Variants in TGFB1 observed in about 807,000 individuals in gnomAD.
TGFB1 encodes transforming growth factor beta-1 proprotein.
In TGFB1, 19 loss-of-function variants were observed where a neutral mutation model predicts 43.8. That is an observed-to-expected ratio of 0.43 (90% CI 0.30 to 0.64). TGFB1 has a LOEUF of 0.64. TGFB1 is among the 30% of genes least tolerant of loss of function. TGFB1 has a pLI of 0.11. For missense variants in TGFB1, 445 were observed against 529.8 expected (o/e 0.84, Z 1.57); for synonymous variants, 221 against 236.3 (o/e 0.94, Z 0.60).
In TGFB1 at chr19:41,345,172, C is replaced by T. The variant is rs550767226; in HGVS notation, c.517-308G>A. Among the ~76,000 whole-genome samples the T allele has an allele frequency of 2.6e-5, 4 of 152,272 alleles. No homozygotes were observed. In the East Asian group the frequency reaches 7.7e-4, roughly 29 times the overall value. ...TGGTGAAATGCTAAGCCCCACTCAG[C>T]GTGGACAGCCCACAATGCTAAAATT... is the stretch of plus-strand genomic sequence containing the variant. On this transcript the variant is annotated intron_variant, in intron 2 of 6. Transcript: ENST00000221930.
intron 6 of TGFB1, 98 bp downstream of exon 6, chr19:41,332,030 G>C: frequency 7.0e-7 from 1 of 1,436,794 alleles, no homozygotes. Context: ...TCCCCATCCT[G>C]CCAACTCACC....
At chr19:41,350,144 C>T (rs1208522059) in intron 1 of TGFB1, among the ~76,000 whole-genome samples, 1 of 152,076 alleles carries the variant, frequency 6.6e-6, no homozygotes, top group Non-Finnish European at 1.5e-5. Flanking sequence ...CCACACCCAC[C>T]CAGCTAGAGA....
At chr19:41,351,807 A>G (rs1417209075) in intron 1 of TGFB1, among the ~76,000 whole-genome samples, 1 of 30,400 alleles carries the variant, frequency 3.3e-5, no homozygotes, top group African/African-American at 1.9e-4. Context: ...CGGGGAATGC[A>G]GCGTGGATGG....
intron 2 of TGFB1, among the ~76,000 whole-genome samples, chr19:41,347,588 G>C (rs1373449630): frequency 6.6e-6 from 1 of 152,120 alleles, no homozygotes; most frequent in South Asian, 2.1e-4. Flanking sequence ...AGCACTCTGG[G>C]AGGCTCAGGT....
intron 5 of TGFB1, among the ~76,000 whole-genome samples, chr19:41,338,613 C>T (rs561624126): frequency 3.3e-5 from 5 of 151,138 alleles, no homozygotes; most frequent in South Asian, 2.1e-4. Flanking sequence ...CTGAGGTGGG[C>T]GGATTGCCTG....
At chr19:41,338,356 T>TGG (rs1397497479) in intron 5 of TGFB1, among the ~76,000 whole-genome samples, 1 of 151,116 alleles carries the variant, frequency 6.6e-6, no homozygotes, top group Non-Finnish European at 1.5e-5. Flanking sequence ...TAGCCGGGCA[T>TGG]GGTGGCAGGT....
Position 41,341,984 on chromosome 19 carries a change from C to T in TGFB1, c.759G>A (p.Met253Ile). 1.2e-6 allele frequency: 2 copies of T among 1,614,214 alleles called. No homozygotes were observed. The highest frequency in any genetic ancestry group is 1.7e-6 in the Non-Finnish European group (2 of 1,180,036). Reference protein sequence around the residue: ...RRGDLATIHGMNRPFLLLMAT... With the variant: ...RRGDLATIHGINRPFLLLMAT... ...CCATGAGAAGCAGGAAAGGCCGGTTCATGCCATGAATGGTGGCCAGGTCAC... is the reference window on the plus strand; with the variant it reads ...CCATGAGAAGCAGGAAAGGCCGGTTTATGCCATGAATGGTGGCCAGGTCAC... Residue 253 changes from methionine to isoleucine, a missense_variant, in exon 5 of 7, where the codon ATG becomes ATA. Met to Ile is a conservative substitution (Grantham distance 10). Around this residue, in one of 3 missense-constraint regions of TGFB1, gnomAD observed 366 missense variants for 428.8 expected, o/e 0.85. Coordinates refer to ENST00000221930, the MANE Select transcript of TGFB1 (RefSeq NM_000660.7).
intron 5 of TGFB1, among the ~76,000 whole-genome samples, chr19:41,338,630 G>A (rs1475585116): frequency 6.6e-6 from 1 of 151,924 alleles, no homozygotes. Context: ...CCTGACCTCA[G>A]GAGTTCAAGA....
At chr19:41,335,121 C>T (rs2037975102) in intron 5 of TGFB1, among the ~76,000 whole-genome samples, 1 of 150,850 alleles carries the variant, frequency 6.6e-6, no homozygotes, top group Non-Finnish European at 1.5e-5. Flanking sequence ...GGTGTGATCT[C>T]AGCTCACTGC....
At chr19:41,345,871 T>G (rs1230751496) in intron 2 of TGFB1, among the ~76,000 whole-genome samples, 1 of 151,316 alleles carries the variant, frequency 6.6e-6, no homozygotes, top group East Asian at 1.9e-4. Context: ...CACTGCACTC[T>G]AGCCAGGGTG....
At chr19:41,333,693 T>G (rs2037959993) in intron 5 of TGFB1, among the ~76,000 whole-genome samples, 1 of 152,168 alleles carries the variant, frequency 6.6e-6, no homozygotes, top group Non-Finnish European at 1.5e-5. Flanking sequence ...TCAAATGTCC[T>G]TCACTCAGGG....
intron 5 of TGFB1, among the ~76,000 whole-genome samples, chr19:41,335,939 G>GT (rs1272260468): frequency 2.0e-5 from 3 of 152,090 alleles, no homozygotes; most frequent in Non-Finnish European, 2.9e-5. Context: ...TTGGAGAAAG[G>GT]GGTTAGGAAG....
rs765327656 is a variant in TGFB1, at chr19:41,348,356, C to T, written c.455G>A (p.Arg152Gln). 3.2e-5 allele frequency: 51 copies of T among 1,613,388 alleles called. No individual in the cohort carries two copies. In the East Asian group the frequency reaches 7.8e-4, roughly 25 times the overall value. Residue 152 changes from arginine (R) to glutamine (Q), a missense_variant, in exon 2 of 7, where the codon CGG becomes CAG. Transcript: ENST00000221930. Reference sequence around the variant, plus strand: ...GAGCCTCAGCAGACGCAGCTCTGCCCGGGAGAGCAACACGGGTTCAGGTAC... The same window carrying T: ...GAGCCTCAGCAGACGCAGCTCTGCCTGGGAGAGCAACACGGGTTCAGGTAC... ...EAVPEPVLLS[R>Q]AELRLLRLKL...
intron 5 of TGFB1, among the ~76,000 whole-genome samples, chr19:41,337,807 AT>A (rs1201206296): frequency 6.6e-6 from 1 of 152,178 alleles, no homozygotes; most frequent in East Asian, 1.9e-4. Flanking sequence ...GACCTTTATG[AT>A]AAGCCACTTC....
chr19:41,345,964 A>G (rs1473481112), intron 2 of TGFB1, among the ~76,000 whole-genome samples: 1 of 152,078 alleles, frequency 6.6e-6, no homozygotes, highest in Non-Finnish European at 1.5e-5. Flanking sequence ...TTCCACTTCT[A>G]GAGCCTGAGA....
intron 5 of TGFB1, 110 bp downstream of exon 5, chr19:41,341,773 T>A (rs1216079667): frequency 7.1e-7 from 1 of 1,414,280 alleles, no homozygotes; most frequent in Non-Finnish European, 9.9e-7. Context: ...AGGAGACAGA[T>A]GCTCAGCCCA....
In TGFB1 at chr19:41,337,297, C is replaced by T. The variant is rs558910759; in HGVS notation, c.860+4586G>A. Among the ~76,000 whole-genome samples, 54 of 152,180 alleles carry T rather than the reference C, an allele frequency of 3.5e-4. 1 individual carries two copies. Among genetic ancestry groups the T allele is most frequent in the African/African-American group, 1.2e-3 (49 of 41,534 alleles). On this transcript the variant is annotated intron_variant, in intron 5 of 6. Transcript: ENST00000221930. ...GCTGGGATTACAGGGCCCGCCACCACGCCTGGCTCATTTTTGAATTTTTAG... is the reference window on the plus strand; with the variant it reads ...GCTGGGATTACAGGGCCCGCCACCATGCCTGGCTCATTTTTGAATTTTTAG...
rs2038042436 is a variant in TGFB1, at chr19:41,340,391, A to G, written c.860+1492T>C. ...CCTGCCCCAGCCTGGGTACCTGGAT[A>G]GCCGTAATCCCAGCCGAGTAGCTGG... On this transcript the variant is annotated intron_variant, in intron 5 of 6. Transcript: ENST00000221930. Among the ~76,000 whole-genome samples, 5 of 151,372 alleles carry G rather than the reference A, an allele frequency of 3.3e-5. No individual in the cohort carries two copies. The South Asian group carries it at 1.0e-3, about 32-fold the overall frequency.
chr19:41,345,413 C>T (rs1013520918), intron 2 of TGFB1, among the ~76,000 whole-genome samples: 1 of 152,028 alleles, frequency 6.6e-6, no homozygotes, highest in African/African-American at 2.4e-5. Flanking sequence ...AGGAGAATTG[C>T]TTGAGCCCGG....
Sources: allele counts gnomAD v4.1 joint callset (sites outside exome capture counted in the v4.1 genomes callset), GRCh38; gene constraint gnomAD v4.1.1; regional missense constraint gnomAD v4.1.1; transcripts MANE v1.5; gene names NCBI Gene and HGNC (gene_info 2026-07-23, HGNC 2026-07-21).